ARHGEF17: variants seen among roughly 807,000 people sequenced by gnomAD.
ARHGEF17 encodes Rho guanine nucleotide exchange factor 17.
A neutral mutation model predicts 174.0 loss-of-function variants in ARHGEF17; 80 were observed. The observed-to-expected ratio is 0.46, with a 90% CI of 0.38 to 0.55. ARHGEF17 has a LOEUF of 0.55. ARHGEF17 is among the 20% of genes least tolerant of loss of function. The pLI is 0.00. For synonymous variants in ARHGEF17, 1,311 were observed against 1,189.1 expected, an observed-to-expected ratio of 1.10 and a Z score of -2.11; for missense variants, 2,886 against 2,839.7, an observed-to-expected ratio of 1.02 and a Z score of -0.37.
At chr11:73,346,770 G>T in intron 1 of ARHGEF17, 113 bp from the exon 2 acceptor site, 1 of 833,110 alleles carries the variant, frequency 1.2e-6, no homozygotes. Context: ...GGAGGGAAGG[G>T]CCAGGAGGGC....
chr11:73,354,116 T>A (rs1230700374), intron 3 of ARHGEF17, among the ~76,000 whole-genome samples: 3 of 152,242 alleles, frequency 2.0e-5, no homozygotes, highest in African/African-American at 7.2e-5. Context: ...GGGTGGGGCC[T>A]TGAACCATCT....
chr11:73,308,744 C>T lies in ARHGEF17; in HGVS notation c.106C>T (p.Pro36Ser). 6.7e-7 allele frequency: 1 copy of T among 1,491,014 alleles called. No individual in the cohort carries two copies. Among genetic ancestry groups the T allele is most frequent in the South Asian group, 1.3e-5 (1 of 78,520 alleles). The allele number at this position is 1,491,014 out of a possible 1,614,324, so 92.4% of individuals were successfully genotyped here. The stretch of plus-strand genomic sequence containing the variant: ...GCTGAGGGAGGAGGACACGGACACC[C>T]CCGGCTTGAGGCGACGCGCCTCGTG... The part of the protein sequence containing the change: ...PGLREEDTDT[P>S]GLRRRASCRP... The change falls in exon 1 of 21, where the codon CCC becomes TCC. Residue 36 changes from proline to serine, a missense_variant. Transcript: ENST00000263674.
intron 1 of ARHGEF17, among the ~76,000 whole-genome samples, chr11:73,337,724 TTTA>T (rs59501469): frequency 0.024 from 3,717 of 152,216 alleles, 53 homozygotes; most frequent in Middle Eastern, 0.034. Context: ...CCAGCTATTT[TTTA>T]TTATTATTGA....
In ARHGEF17 at chr11:73,319,373, T is replaced by C. The variant is rs1008055278; in HGVS notation, c.3192+7543T>C. On this transcript the variant is annotated intron_variant, in intron 1 of 20. Coordinates refer to ENST00000263674, the MANE Select transcript of ARHGEF17 (RefSeq NM_014786.4). ...CACTGCGCCCGGCCTCCTTCCTCCT[T>C]CTTTAAGAACCCTTGTGATTCATTG... Among the ~76,000 whole-genome samples, 6 of 152,210 alleles carry C rather than the reference T, an allele frequency of 3.9e-5. No individual in the cohort carries two copies. The South Asian group carries it at 8.3e-4, about 21-fold the overall frequency.
At chr11:73,322,824 C>T (rs1274056857) in intron 1 of ARHGEF17, among the ~76,000 whole-genome samples, 1 of 152,030 alleles carries the variant, frequency 6.6e-6, no homozygotes, top group Non-Finnish European at 1.5e-5. Flanking sequence ...ATCACAGTAT[C>T]CTCTGGTTGT....
chr11:73,322,988 CAG>C (rs1865040271), intron 1 of ARHGEF17, among the ~76,000 whole-genome samples: 1 of 152,154 alleles, frequency 6.6e-6, no homozygotes, highest in Non-Finnish European at 1.5e-5. Context: ...ATATCAGAAA[CAG>C]GGTTGGGGGA....
chr11:73,322,889 G>A (rs760959720), intron 1 of ARHGEF17, among the ~76,000 whole-genome samples: 21 of 152,184 alleles, frequency 1.4e-4, no homozygotes, highest in Non-Finnish European at 1.9e-4. Context: ...AGCTTAGGTA[G>A]CAGAGGATGT....
chr11:73,361,483 T>C (rs1384490019), intron 12 of ARHGEF17, among the ~76,000 whole-genome samples: 1 of 152,208 alleles, frequency 6.6e-6, no homozygotes, highest in Non-Finnish European at 1.5e-5. Context: ...TCTATGCATG[T>C]ATCCATGATT....
Position 73,310,131 on chromosome 11 carries a change from G to A in ARHGEF17, c.1493G>A (p.Gly498Glu), listed in dbSNP as rs1215589343. The change falls in exon 1 of 21, where the codon GGA becomes GAA. Residue 498 changes from glycine to glutamate, a missense_variant. Transcript: ENST00000263674. Reference protein sequence around the residue: ...RKPGGSSGDRGSNPLDGRDSP... With the variant: ...RKPGGSSGDRESNPLDGRDSP... ...CCTGGTGGGAGCTCCGGGGACCGTGGAAGCAACCCCCTAGATGGCAGAGAC... is the reference window on the plus strand; with the variant it reads ...CCTGGTGGGAGCTCCGGGGACCGTGAAAGCAACCCCCTAGATGGCAGAGAC... 6.2e-7 allele frequency: 1 copy of A among 1,614,076 alleles called. No homozygotes were observed. The highest frequency in any genetic ancestry group is 1.3e-5 in the African/African-American group (1 of 75,038).
At position 73,313,331 on chromosome 11, in the gene ARHGEF17, A is replaced by C. The variant is rs555861065; in HGVS notation, c.3192+1501A>C. On this transcript the variant is annotated intron_variant, in intron 1 of 20. Coordinates refer to ENST00000263674, the MANE Select transcript of ARHGEF17 (RefSeq NM_014786.4). ...TGAAGGTGGGGGAGGGGAGGAAGAC[A>C]GCAGGTCCAGTTCTTGTCAGGGGTC... 1.9e-3 allele frequency among the ~76,000 whole-genome samples: 289 copies of C among 152,316 alleles called. 4 individuals carry two copies. Among genetic ancestry groups the C allele is most frequent in the Non-Finnish European group, 1.3e-3 (87 of 68,032 alleles).
rs150663653 is a variant in ARHGEF17, at chr11:73,310,021, C to G, written c.1383C>G (p.Ser461=). Residue 461 remains serine, a synonymous_variant, in exon 1 of 21, where the codon TCC becomes TCG. Coordinates refer to ENST00000263674, the MANE Select transcript of ARHGEF17 (RefSeq NM_014786.4). ...FEPEKSRQRK[S]LSNPDIASET... Reference sequence around the variant, plus strand: ...CTGAAAAGAGTCGACAGCGGAAGTCCCTGTCAAATCCAGATATCGCCTCAG... The same window carrying G: ...CTGAAAAGAGTCGACAGCGGAAGTCGCTGTCAAATCCAGATATCGCCTCAG... The G allele has an allele frequency of 6.2e-7, 1 of 1,614,020 alleles. No individual in the cohort carries two copies. Among genetic ancestry groups the G allele is most frequent in the African/African-American group, 1.3e-5 (1 of 74,914 alleles).
In ARHGEF17 at chr11:73,346,959, A is replaced by T. The variant is rs1470898542; in HGVS notation, c.3269A>T (p.Gln1090Leu). The T allele has an allele frequency of 3.1e-6, 5 of 1,588,448 alleles. No homozygotes were observed. Among genetic ancestry groups the T allele is most frequent in the Non-Finnish European group, 4.3e-6 (5 of 1,163,266 alleles). Residue 1090 changes from glutamine (Q) to leucine (L), a missense_variant and splice_region_variant, in exon 2 of 21, where the codon CAG (glutamine) becomes CTG (leucine). Gln to Leu is a moderately radical substitution (Grantham distance 113). Coordinates refer to ENST00000263674, the MANE Select transcript of ARHGEF17 (RefSeq NM_014786.4). ...SYVESLRTLMQGYMQPLKQPE... is the reference protein window; with the variant it reads ...SYVESLRTLMLGYMQPLKQPE... ...GTGGAGTCGCTGCGCACCCTGATGC[A>T]GGTGGGGCTCGGGGCCCACTCCCCT...
chr11:73,327,893 C>T (rs1463389257), intron 1 of ARHGEF17, among the ~76,000 whole-genome samples: 1 of 152,078 alleles, frequency 6.6e-6, no homozygotes, highest in Non-Finnish European at 1.5e-5. Context: ...GTGGATAGTC[C>T]TGGGTAATTA....
Position 73,361,906 on chromosome 11 carries a change from G to A in ARHGEF17, c.4495-134G>A, listed in dbSNP as rs961966366. The A allele has an allele frequency of 9.2e-6, 9 of 981,352 alleles. No individual in the cohort carries two copies. In the African/African-American group the frequency reaches 1.7e-4, roughly 19 times the overall value. 60.8% of individuals were successfully genotyped at this position (981,352 alleles called of 1,614,324 possible). On this transcript the variant is annotated intron_variant, in intron 12 of 20. Transcript: ENST00000263674. ...GTGTATGTGTACGCGTGTGTAGAAG[G>A]GTGTATAGGGCATCCACACACACAC... is the stretch of plus-strand genomic sequence containing the variant.
At chr11:73,321,454 A>T (rs1478852255) in intron 1 of ARHGEF17, among the ~76,000 whole-genome samples, 2 of 152,194 alleles carry the variant, frequency 1.3e-5, no homozygotes, top group South Asian at 4.1e-4. Context: ...GTTCAGACTG[A>T]TAAGGGTTAA....
rs766260539 is a variant in ARHGEF17, at chr11:73,364,493, G to A, written c.5443G>A (p.Gly1815Ser). Residue 1815 changes from glycine (G) to serine (S), a missense_variant, in exon 18 of 21, where the codon GGC becomes AGC. Coordinates refer to ENST00000263674, the MANE Select transcript of ARHGEF17 (RefSeq NM_014786.4). ...CCAGAACTTCAAATCAGTGACCTTG[G>A]GCACCCAGGGGAGCCCCATCACCAA... ...DPQNFKSVTL[G>S]TQGSPITKMV... The A allele has an allele frequency of 4.3e-6, 7 of 1,613,320 alleles. No individual in the cohort carries two copies. The highest frequency in any genetic ancestry group is 5.9e-6 in the Non-Finnish European group (7 of 1,179,916).
Position 73,364,431 on chromosome 11 carries a change from GT to G in ARHGEF17, c.5402-17del. On this transcript the variant is annotated intron_variant, in intron 17 of 20. Transcript: ENST00000263674. ...AATTTAGAACTGGAGTGAATTTCCT[GT>G]TTTCTTTACCCCACTCCAGGCCATT... 6.2e-7 allele frequency: 1 copy of G among 1,613,026 alleles called. No individual in the cohort carries two copies. The highest frequency in any genetic ancestry group is 8.5e-7 in the Non-Finnish European group (1 of 1,179,920).
chr11:73,363,087 A>G (rs913173533), intron 14 of ARHGEF17, 119 bp from the exon 15 acceptor site: 44 of 1,335,934 alleles, frequency 3.3e-5, no homozygotes, highest in Admixed American at 5.7e-5. Context: ...AGGCCGGGGA[A>G]GAACAGCTTT....
At chr11:73,312,507 A>G (rs1864856008) in intron 1 of ARHGEF17, among the ~76,000 whole-genome samples, 2 of 152,146 alleles carry the variant, frequency 1.3e-5, no homozygotes. Flanking sequence ...GTTTCCATCC[A>G]GCTGGTACTG....
Sources: gnomAD v4.1 joint callset for allele counts (sites outside exome capture counted in the v4.1 genomes callset) on GRCh38, gnomAD v4.1.1 for gene constraint, MANE v1.5 for transcripts, NCBI Gene and HGNC (gene_info 2026-07-23, HGNC 2026-07-21) for gene names.